Variants in TECR observed in about 807,000 individuals in gnomAD.
TECR encodes the protein trans-2,3-enoyl-CoA reductase, also known as very-long-chain enoyl-CoA reductase.
A neutral mutation model predicts 50.6 loss-of-function variants in TECR; 19 were observed. The observed-to-expected ratio is 0.38, with a 90% CI of 0.26 to 0.55. The LOEUF is 0.55. Among genes scored for constraint, TECR ranks in the 20% least tolerant of loss-of-function variants. The pLI, the probability that TECR is intolerant of heterozygous loss-of-function variation, is 0.79. For synonymous variants in TECR, 168 were observed against 163.5 expected (o/e 1.03, Z -0.21); for missense variants, 313 against 408.3 (o/e 0.77, Z 2.01).
intron 7 of TECR, 152 bp from the exon 8 acceptor site, chr19:14,564,634 A>AC (rs2074017331): frequency 4.9e-6 from 3 of 613,188 alleles, no homozygotes; most frequent in Non-Finnish European, 8.1e-6. Flanking sequence ...CCCTAGCCTC[A>AC]CCCCTTGGCC....
intron 1 of TECR, chr19:14,562,199 G>A (rs926893190): frequency 3.3e-5 from 20 of 597,274 alleles, no homozygotes; most frequent in Middle Eastern, 4.4e-4. Flanking sequence ...GTTGCCACTC[G>A]GGTTACATCT....
At chr19:14,548,268 G>T (rs12460236) in intron 1 of TECR, among the ~76,000 whole-genome samples, 45 of 151,844 alleles carry the variant, frequency 3.0e-4, no homozygotes, top group Non-Finnish European at 6.0e-4. Context: ...GGCCTAATGG[G>T]CATTTCAAAC....
At chr19:14,557,808 T>C (rs1044008762) in intron 1 of TECR, among the ~76,000 whole-genome samples, 1 of 150,962 alleles carries the variant, frequency 6.6e-6, no homozygotes, top group Non-Finnish European at 1.5e-5. Flanking sequence ...CAGGCTGGAG[T>C]GCAGTGGCGC....
At position 14,529,625 on chromosome 19, in the gene TECR, T is replaced by A. The variant is rs915028069; in HGVS notation, c.-72T>A. On this transcript the variant is annotated 5_prime_UTR_variant, in exon 1 of 13. Transcript: ENST00000215567. ...TCTATCGCTGCGGTTGCGAGCGCTG[T>A]AGGGAGCCTGTGCTGTGCCGCGCAG... 2 of 1,611,278 alleles carry A rather than the reference T, an allele frequency of 1.2e-6. No individual in the cohort carries two copies. Among genetic ancestry groups the A allele is most frequent in the African/African-American group, 2.7e-5 (2 of 75,006 alleles).
intron 1 of TECR, among the ~76,000 whole-genome samples, chr19:14,532,748 T>C (rs2072720451): frequency 1.3e-5 from 2 of 152,004 alleles, no homozygotes; most frequent in African/African-American, 4.8e-5. Flanking sequence ...TGTAGGTCAG[T>C]AAAAATAGAA....
chr19:14,535,606 T>G (rs1356064787), intron 1 of TECR, among the ~76,000 whole-genome samples: 2 of 100,448 alleles, frequency 2.0e-5, no homozygotes, highest in Non-Finnish European at 3.7e-5. Context: ...ATATATAAAT[T>G]AGCCAGGCAT....
intron 1 of TECR, among the ~76,000 whole-genome samples, chr19:14,537,408 G>T (rs1284399683): frequency 6.6e-6 from 1 of 151,724 alleles, no homozygotes; most frequent in Admixed American, 6.6e-5. Flanking sequence ...GGCTCCACCA[G>T]CTGGGCCCAG....
rs1377984900 is a variant in TECR at position 14,562,506 on chromosome 19, G to A, written c.16-19G>A. 6.2e-7 allele frequency: 1 copy of A among 1,614,238 alleles called. No homozygotes were observed. The highest frequency in any genetic ancestry group is 2.2e-5 in the East Asian group (1 of 44,880). ...CAAAGGTGGCCAAGAAACCTAAAAA[G>A]GCTGTTCTCTTCTTCGAGGTGGAGA... On this transcript the variant is annotated intron_variant, in intron 1 of 12. Transcript: ENST00000215567.
In TECR at chr19:14,529,655, G is replaced by A; in HGVS notation, c.-42G>A. 6.2e-7 allele frequency: 1 copy of A among 1,613,796 alleles called. No individual in the cohort carries two copies. Among genetic ancestry groups the A allele is most frequent in the Non-Finnish European group, 8.5e-7 (1 of 1,179,970 alleles). On this transcript the variant is annotated 5_prime_UTR_variant, in exon 1 of 13. Transcript: ENST00000215567. Reference sequence around the variant, plus strand: ...AGCCTGTGCTGTGCCGCGCAGTTAGGCAGCAGCAGCCGCGGAGCAGTAGCC... The same window carrying A: ...AGCCTGTGCTGTGCCGCGCAGTTAGACAGCAGCAGCCGCGGAGCAGTAGCC...
intron 1 of TECR, among the ~76,000 whole-genome samples, chr19:14,549,431 T>C (rs2073418930): frequency 6.6e-6 from 1 of 151,934 alleles, no homozygotes; most frequent in Non-Finnish European, 1.5e-5. Flanking sequence ...CAGGCTAGTC[T>C]TGAACTCCTA....
chr19:14,554,787 T>C (rs2073659807), intron 1 of TECR, among the ~76,000 whole-genome samples: 1 of 146,418 alleles, frequency 6.8e-6, no homozygotes, highest in Non-Finnish European at 1.5e-5. Flanking sequence ...TGCCTTGTGC[T>C]TTTTTTTTTT....
At chr19:14,532,874 C>G (rs2072725746) in intron 1 of TECR, among the ~76,000 whole-genome samples, 2 of 152,032 alleles carry the variant, frequency 1.3e-5, no homozygotes, top group East Asian at 1.9e-4. Flanking sequence ...CTTTGGGAGG[C>G]TGAGACGGGT....
rs778695827 is a variant in TECR, at chr19:14,564,875, C to A, written c.562+17C>A. 2 of 1,614,004 alleles carry A rather than the reference C, an allele frequency of 1.2e-6. No homozygotes were observed. The highest frequency in any genetic ancestry group is 1.7e-6 in the Non-Finnish European group (2 of 1,180,018). On this transcript the variant is annotated intron_variant, in intron 8 of 12. Transcript: ENST00000215567. Reference sequence around the variant, plus strand: ...CTCCCCCTAGTAAGTGGCCTCAGACCATCCTTCCCTCCCCCACGGTCCCCA... The same window carrying A: ...CTCCCCCTAGTAAGTGGCCTCAGACAATCCTTCCCTCCCCCACGGTCCCCA...
intron 1 of TECR, among the ~76,000 whole-genome samples, chr19:14,535,264 T>C (rs2072820214): frequency 6.6e-6 from 1 of 151,318 alleles, no homozygotes; most frequent in Non-Finnish European, 1.5e-5. Context: ...TCCCAGCACT[T>C]TGGGAGGCCG....
chr19:14,540,269 T>C (rs983508853), intron 1 of TECR, among the ~76,000 whole-genome samples: 12 of 152,032 alleles, frequency 7.9e-5, no homozygotes, highest in Admixed American at 7.9e-4. Context: ...AGGGTTTCAC[T>C]GTGTCAGCCA....
Position 14,565,086 on chromosome 19 carries a change from C to G in TECR, c.627C>G (p.Phe209Leu), listed in dbSNP as rs1264753206. The G allele has an allele frequency of 1.9e-6, 3 of 1,613,810 alleles. No homozygotes were observed. The South Asian group carries it at 3.3e-5, about 18-fold the overall frequency. ...AIFVICQLGNFSIHMALRDLR... is the reference protein window; with the variant it reads ...AIFVICQLGNLSIHMALRDLR... ...GACAGATCTGCCAGCTCGGCAACTT[C>G]TCCATCCACATGGCCCTGCGGGACC... Residue 209 changes from phenylalanine (F) to leucine (L), a missense_variant, in exon 10 of 13, where the codon TTC becomes TTG. By Grantham distance (22) the Phe-to-Leu change is conservative. Transcript: ENST00000215567.
At position 14,564,018 on chromosome 19, in the gene TECR, T is replaced by C; in HGVS notation, c.304T>C (p.Tyr102His). 3.1e-6 allele frequency: 5 copies of C among 1,614,046 alleles called. No homozygotes were observed. Among genetic ancestry groups the C allele is most frequent in the Non-Finnish European group, 4.2e-6 (5 of 1,179,952 alleles). Residue 102 changes from tyrosine (Y) to histidine (H), a missense_variant, in exon 6 of 13, where the codon TAC (tyrosine) becomes CAC (histidine). Physicochemically the swap from Tyr to His is moderately conservative, Grantham distance 83. Transcript: ENST00000215567. ...AGAGTACGCGGGGCCCCTTTTCATC[T>C]ACCTGCTCTTCTACTTCCGAGTGCC... ...LTEYAGPLFI[Y>H]LLFYFRVPFI...
chr19:14,547,343 C>G (rs2073341513), intron 1 of TECR, among the ~76,000 whole-genome samples: 1 of 151,592 alleles, frequency 6.6e-6, no homozygotes. Flanking sequence ...CGTACCTGGC[C>G]TATTTTATTT....
At chr19:14,551,961 CTCTCT>C (rs2073534298) in intron 1 of TECR, among the ~76,000 whole-genome samples, 1 of 120,368 alleles carries the variant, frequency 8.3e-6, no homozygotes, top group Non-Finnish European at 1.7e-5. Context: ...CTCTCTCTCT[CTCTCT>C]CTCTCTTTCT....
Sources: allele counts gnomAD v4.1 joint callset (sites outside exome capture counted in the v4.1 genomes callset), GRCh38; gene constraint gnomAD v4.1.1; transcripts MANE v1.5; gene names NCBI Gene and HGNC (gene_info 2026-07-23, HGNC 2026-07-21).